The following EPC2 variants were observed in gnomAD, a reference collection of about 807,000 sequenced individuals.
The protein encoded by EPC2 is enhancer of polycomb homolog 2.
In EPC2, 14 loss-of-function variants were observed where a neutral mutation model predicts 92.1. That is an observed-to-expected ratio of 0.15 (90% CI 0.10 to 0.24). EPC2 has a LOEUF of 0.24. EPC2 is among the 10% of genes least tolerant of loss of function. The pLI is 1.00. For synonymous variants in EPC2, 340 were observed against 334.7 expected, an observed-to-expected ratio of 1.02 and a Z score of -0.17; for missense variants, 755 against 971.5, an observed-to-expected ratio of 0.78 and a Z score of 2.96.
At chr2:148,684,132 ATTGT>A (rs934340716) in intron 1 of EPC2, among the ~76,000 whole-genome samples, 21 of 152,046 alleles carry the variant, frequency 1.4e-4, no homozygotes, top group Middle Eastern at 3.4e-3. Context: ...GCATTTTTTC[ATTGT>A]TTGTTGGCCA....
At chr2:148,677,641 C>T (rs960580884) in intron 1 of EPC2, among the ~76,000 whole-genome samples, 1 of 152,100 alleles carries the variant, frequency 6.6e-6, no homozygotes, top group South Asian at 2.1e-4. Context: ...AGCCGTGGAC[C>T]CTCGCGGTGA....
intron 1 of EPC2, among the ~76,000 whole-genome samples, chr2:148,673,292 C>T (rs1054649103): frequency 6.6e-6 from 1 of 152,182 alleles, no homozygotes; most frequent in Non-Finnish European, 1.5e-5. Flanking sequence ...TCCCTTCTCT[C>T]TCTAACCTTC....
At chr2:148,778,689 A>G (rs1397424341) in intron 10 of EPC2, among the ~76,000 whole-genome samples, 1 of 152,078 alleles carries the variant, frequency 6.6e-6, no homozygotes, top group Non-Finnish European at 1.5e-5. Context: ...ATGTGTTCCA[A>G]TTTTGTGTCA....
chr2:148,729,734 T>C (rs1359255067), intron 2 of EPC2, among the ~76,000 whole-genome samples: 1 of 152,186 alleles, frequency 6.6e-6, no homozygotes, highest in African/African-American at 2.4e-5. Flanking sequence ...CACAACTGCC[T>C]TTTAAAATCA....
intron 1 of EPC2, among the ~76,000 whole-genome samples, chr2:148,689,179 A>G (rs1407336592): frequency 1.3e-5 from 2 of 151,734 alleles, no homozygotes; most frequent in Non-Finnish European, 2.9e-5. Flanking sequence ...TCATTGAGTG[A>G]AATTTTTTTT....
At chr2:148,775,607 A>G (rs1014286095) in intron 10 of EPC2, among the ~76,000 whole-genome samples, 14 of 142,978 alleles carry the variant, frequency 9.8e-5, no homozygotes, top group African/African-American at 3.7e-4. Flanking sequence ...AAATATTTAA[A>G]TATTTAATTA....
intron 2 of EPC2, among the ~76,000 whole-genome samples, chr2:148,742,083 A>G (rs1485097060): frequency 6.6e-6 from 1 of 152,136 alleles, no homozygotes; most frequent in Non-Finnish European, 1.5e-5. Context: ...TCAGACCTTC[A>G]GTCTATATAT....
At chr2:148,714,734 C>T (rs1297067267) in intron 2 of EPC2, among the ~76,000 whole-genome samples, 2 of 152,104 alleles carry the variant, frequency 1.3e-5, no homozygotes, top group Non-Finnish European at 2.9e-5. Context: ...TGTTCATGTC[C>T]TTTGACCACT....
intron 2 of EPC2, among the ~76,000 whole-genome samples, chr2:148,742,919 T>G (rs891711292): frequency 6.6e-6 from 1 of 152,168 alleles, no homozygotes; most frequent in African/African-American, 2.4e-5. Context: ...CAGCCTTTTA[T>G]TTATATAGTA....
intron 1 of EPC2, among the ~76,000 whole-genome samples, chr2:148,662,011 T>C (rs1470346966): frequency 2.0e-5 from 3 of 152,120 alleles, no homozygotes; most frequent in Admixed American, 1.3e-4. Context: ...GCAAAGGATA[T>C]GAACAGACAC....
chr2:148,654,459 A>G (rs1426017184), intron 1 of EPC2, among the ~76,000 whole-genome samples: 2 of 152,114 alleles, frequency 1.3e-5, no homozygotes, highest in African/African-American at 4.8e-5. Context: ...GAGTTTTGAG[A>G]CCAGCTTGGG....
intron 2 of EPC2, chr2:148,692,847 A>G (rs1265641279): frequency 6.6e-6 from 1 of 152,138 alleles, no homozygotes; most frequent in African/African-American, 2.4e-5. Flanking sequence ...GGTTTTTTTC[A>G]TTTCATTTTA....
chr2:148,775,775 C>CTTTTTT lies in EPC2; in HGVS notation c.1720+4403_1720+4408dup, dbSNP rs70995334. Among the ~76,000 whole-genome samples, 513 of 92,302 alleles carry CTTTTTT rather than the reference C, an allele frequency of 5.6e-3. 19 individuals carry two copies. Among genetic ancestry groups the CTTTTTT allele is most frequent in the South Asian group, 0.011 (27 of 2,564 alleles). The allele number at this position is 92,302 out of a possible 152,430, so 60.6% of individuals were successfully genotyped here. A position where few individuals can be genotyped will look rare whatever the true frequency, so the allele number is the denominator to read the frequency against. On this transcript the variant is annotated intron_variant, in intron 10 of 13. Transcript: ENST00000258484. The stretch of plus-strand genomic sequence containing the variant: ...TAAAGAAATATTACCAATTTCTTTT[C>CTTTTTT]TTTTTTTTTTTTTTTTTTTTGAGAT...
intron 1 of EPC2, among the ~76,000 whole-genome samples, chr2:148,652,539 G>C (rs1350196732): frequency 6.6e-6 from 1 of 152,080 alleles, no homozygotes; most frequent in Admixed American, 6.6e-5. Flanking sequence ...CTGGCCCTTA[G>C]TTTTCTCATT....
chr2:148,736,806 A>C (rs1364649477), intron 2 of EPC2, among the ~76,000 whole-genome samples: 1 of 152,060 alleles, frequency 6.6e-6, no homozygotes, highest in Admixed American at 6.6e-5. Context: ...AATTTTACCA[A>C]AAAAGTTTCA....
At chr2:148,730,201 C>T (rs1238143215) in intron 2 of EPC2, among the ~76,000 whole-genome samples, 1 of 152,046 alleles carries the variant, frequency 6.6e-6, no homozygotes. Context: ...ATGAAGAGTC[C>T]TAGGTATCAG....
rs755575101 is a variant in EPC2 at position 148,696,195 on chromosome 2, T to C, written c.313+5822T>C. On this transcript the variant is annotated intron_variant, in intron 2 of 13. Coordinates refer to ENST00000258484, the MANE Select transcript of EPC2 (RefSeq NM_015630.4). ...CAGGCACAGTGGCTCACACCTGTTATCCCAGCACTTTGGGAGGCCAGTGTG... is the reference window on the plus strand; with the variant it reads ...CAGGCACAGTGGCTCACACCTGTTACCCCAGCACTTTGGGAGGCCAGTGTG... 1.7e-4 allele frequency among the ~76,000 whole-genome samples: 26 copies of C among 152,206 alleles called. 1 individual carries two copies. The highest frequency in any genetic ancestry group is 2.8e-4 in the Non-Finnish European group (19 of 68,036).
intron 2 of EPC2, among the ~76,000 whole-genome samples, chr2:148,699,095 A>G (rs1681821306): frequency 6.6e-6 from 1 of 152,206 alleles, no homozygotes. Flanking sequence ...TTAGTAAACT[A>G]GTAATTTGAA....
chr2:148,735,700 A>G (rs1682737969), intron 2 of EPC2, among the ~76,000 whole-genome samples: 1 of 151,930 alleles, frequency 6.6e-6, no homozygotes, highest in African/African-American at 2.4e-5. Flanking sequence ...TATTATCTAA[A>G]AGTATTATAG....
Sources: allele counts gnomAD v4.1 joint callset (sites outside exome capture counted in the v4.1 genomes callset), GRCh38; gene constraint gnomAD v4.1.1; transcripts MANE v1.5; gene names NCBI Gene and HGNC (gene_info 2026-07-23, HGNC 2026-07-21).